The following IFITM10 variants were observed in gnomAD, a reference collection of about 807,000 sequenced individuals.
The protein encoded by IFITM10 is interferon induced transmembrane protein 10.
Under a neutral mutation model 19.0 loss-of-function variants are expected in IFITM10, and 17 were observed. That is an observed-to-expected ratio of 0.90 (90% CI 0.61 to 1.34). The LOEUF (loss-of-function observed/expected upper bound fraction) is 1.34, where lower values mean the gene tolerates loss of function less well. Among genes scored for constraint, IFITM10 ranks in the 40% most tolerant of loss-of-function variants. The pLI is 0.00. For synonymous variants in IFITM10, 148 were observed against 147.2 expected, an observed-to-expected ratio of 1.01 and a Z score of -0.04; for missense variants, 306 against 319.8, an observed-to-expected ratio of 0.96 and a Z score of 0.33.
At chr11:1,737,223 ATTG>A in intron 2 of IFITM10, among the ~76,000 whole-genome samples, 1 of 152,230 alleles carries the variant, frequency 6.6e-6, no homozygotes, top group African/African-American at 2.4e-5. Flanking sequence ...TAGTCTATTT[ATTG>A]TTTTTATTAT....
rs1205761783 is a variant in IFITM10 at position 1,750,422 on chromosome 11, C to A, written c.21G>T (p.Gly7=). 1.9e-6 allele frequency: 3 copies of A among 1,550,374 alleles called. No homozygotes were observed. The highest frequency in any genetic ancestry group is 2.0e-5 in the Admixed American group (1 of 50,974). The change falls in exon 1 of 3, where the codon GGG becomes GGT. Residue 7 remains glycine (G), a synonymous_variant. Transcript: ENST00000340134. MREGKR[G]PPCILSFRGT... ...CCCGGAAGCTGAGGATGCATGGCGG[C>A]CCCCGTTTTCCCTCCCTCATCTCTC...
At chr11:1,748,991 G>GC in intron 1 of IFITM10, 7 of 1,009,370 alleles carry the variant, frequency 6.9e-6, no homozygotes, top group South Asian at 2.6e-5. Flanking sequence ...GTCTGCCGCA[G>GC]CCCCCCGGAC....
In IFITM10 at chr11:1,732,851, G is replaced by A. The variant is rs2133636913; in HGVS notation, c.*2429C>T. The A allele has an allele frequency of 6.6e-6, 1 of 152,320 alleles. No individual in the cohort carries two copies. Among genetic ancestry groups the A allele is most frequent in the African/African-American group, 2.4e-5 (1 of 41,530 alleles). 9.4% of individuals were successfully genotyped at this position (152,320 alleles called of 1,614,324 possible). On this transcript the variant is annotated 3_prime_UTR_variant, in exon 3 of 3. Coordinates refer to ENST00000340134, the MANE Select transcript of IFITM10 (RefSeq NM_001170820.4). ...GCAGGAACATCCCAGGGAAAAGCTG[G>A]CTGAGGGCTTCCCTAATGCAGGGGT...
intron 1 of IFITM10, 183 bp from the exon 2 acceptor site, chr11:1,748,302 G>A (rs1845676498): frequency 2.3e-6 from 1 of 438,746 alleles, no homozygotes; most frequent in Non-Finnish European, 3.9e-6. Flanking sequence ...CGATGCCAAA[G>A]CCCTTCGCAG....
chr11:1,743,389 A>G (rs1845594168), intron 2 of IFITM10, among the ~76,000 whole-genome samples: 2 of 151,010 alleles, frequency 1.3e-5, no homozygotes, highest in Non-Finnish European at 3.0e-5. Flanking sequence ...GGATGAATGG[A>G]TGGAAGATGG....
intron 2 of IFITM10, among the ~76,000 whole-genome samples, chr11:1,742,996 T>C (rs1371120368): frequency 8.6e-6 from 1 of 116,678 alleles, no homozygotes; most frequent in Non-Finnish European, 1.7e-5. Context: ...GACATATGGA[T>C]GGATGAAAGA....
intron 2 of IFITM10, among the ~76,000 whole-genome samples, chr11:1,741,081 C>T (rs1845565674): frequency 6.6e-6 from 1 of 152,016 alleles, no homozygotes; most frequent in Admixed American, 6.6e-5. Context: ...GCCTGCCGAA[C>T]CATGAGCCAA....
chr11:1,744,190 C>T (rs1845609492), intron 2 of IFITM10, among the ~76,000 whole-genome samples: 1 of 152,226 alleles, frequency 6.6e-6, no homozygotes, highest in Non-Finnish European at 1.5e-5. Context: ...CACCATGTGT[C>T]CTCTGTCCAC....
chr11:1,733,194 C>T lies in IFITM10; in HGVS notation c.*2086G>A, dbSNP rs895108558. 19 of 152,566 alleles carry T rather than the reference C, an allele frequency of 1.2e-4. No homozygotes were observed. The highest frequency in any genetic ancestry group is 4.6e-4 in the African/African-American group (19 of 41,388). 9.5% of individuals were successfully genotyped at this position (152,566 alleles called of 1,614,324 possible). ...CGGCAAGGCTTTCAGCCGCCCCTGG[C>T]ACTTCTCCCACCATCCTCCAAGAGG... On this transcript the variant is annotated 3_prime_UTR_variant, in exon 3 of 3. Coordinates refer to ENST00000340134, the MANE Select transcript of IFITM10 (RefSeq NM_001170820.4). This position sits in a 1 kb window ranked among gnomAD's most constrained non-coding sequence, Gnocchi z 6.3.
At chr11:1,747,108 T>C (rs1845659000) in intron 2 of IFITM10, among the ~76,000 whole-genome samples, 1 of 152,108 alleles carries the variant, frequency 6.6e-6, no homozygotes, top group African/African-American at 2.4e-5. Flanking sequence ...AGGACCTGTT[T>C]ACACCCCTCT....
intron 2 of IFITM10, chr11:1,746,542 G>A (rs989780786): frequency 2.5e-6 from 1 of 398,506 alleles, no homozygotes; most frequent in African/African-American, 2.1e-5. Flanking sequence ...GGTTGAAGGT[G>A]CCCGTGCCAG....
chr11:1,747,129 G>C (rs1398240557), intron 2 of IFITM10, among the ~76,000 whole-genome samples: 3 of 152,142 alleles, frequency 2.0e-5, no homozygotes, highest in South Asian at 2.1e-4. Context: ...TCCCTGGGCT[G>C]CCCTGGCCAC....
chr11:1,743,251 G>A (rs1420087210), intron 2 of IFITM10, among the ~76,000 whole-genome samples: 2 of 151,080 alleles, frequency 1.3e-5, no homozygotes, highest in Non-Finnish European at 2.9e-5. Context: ...ATGGATGGAG[G>A]ATGAATAGAT....
chr11:1,737,254 TAA>T lies in IFITM10; in HGVS notation c.538-1827_538-1826del, dbSNP rs1851096957. ...TTTATTATAATGTAAAAGTATATTT[TAA>T]AATTGCATGTCTAACTGATTTTGTA... On this transcript the variant is annotated intron_variant, in intron 2 of 2. Transcript: ENST00000340134. Among the ~76,000 whole-genome samples, 4 of 152,272 alleles carry T rather than the reference TAA, an allele frequency of 2.6e-5. No homozygotes were observed. In the South Asian group the frequency reaches 8.3e-4, roughly 32 times the overall value.
intron 2 of IFITM10, chr11:1,746,025 ACC>A (rs1164985547): frequency 1.5e-5 from 2 of 137,236 alleles, no homozygotes; most frequent in South Asian, 4.7e-4. Context: ...ACACAGGCAC[ACC>A]CCACACACTT....
intron 1 of IFITM10, chr11:1,749,192 C>G: frequency 1.4e-6 from 1 of 720,486 alleles, no homozygotes; most frequent in Middle Eastern, 6.9e-4. Flanking sequence ...CGCCTGCGCT[C>G]CCTCCGCAGC....
intron 2 of IFITM10, among the ~76,000 whole-genome samples, chr11:1,736,292 A>G (rs1279549995): frequency 6.6e-6 from 1 of 152,198 alleles, no homozygotes; most frequent in Non-Finnish European, 1.5e-5. Context: ...TGGATCCCTC[A>G]GTGTGCAGGT....
chr11:1,746,756 C>T (rs1195620503), intron 2 of IFITM10: 9 of 398,806 alleles, frequency 2.3e-5, no homozygotes, highest in Non-Finnish European at 4.0e-5. Flanking sequence ...GGCAGGGCAG[C>T]TGCATTGGTG....
chr11:1,735,268 G>A lies in IFITM10; in HGVS notation c.*12C>T. Reference sequence around the variant, plus strand: ...AGTGCTTGTCTCCGCCAGCAGCCGTGCCTGGCGGGCCTTAGTAGTCGGTGA... The same window carrying A: ...AGTGCTTGTCTCCGCCAGCAGCCGTACCTGGCGGGCCTTAGTAGTCGGTGA... On this transcript the variant is annotated 3_prime_UTR_variant, in exon 3 of 3. Transcript: ENST00000340134. 1 of 1,551,072 alleles carries A rather than the reference G, an allele frequency of 6.4e-7. No homozygotes were observed. Among genetic ancestry groups the A allele is most frequent in the Non-Finnish European group, 8.7e-7 (1 of 1,146,504 alleles).
Sources: gnomAD v4.1 joint callset for allele counts (sites outside exome capture counted in the v4.1 genomes callset) on GRCh38, gnomAD v4.1.1 for gene constraint, Gnocchi (gnomAD v3.1) non-coding constraint, MANE v1.5 for transcripts, NCBI Gene and HGNC (gene_info 2026-07-23, HGNC 2026-07-21) for gene names.